GATB: variants seen among roughly 807,000 people sequenced by gnomAD.
GATB encodes the protein glutamyl-tRNA amidotransferase subunit B.
A neutral mutation model predicts 62.3 loss-of-function variants in GATB; 39 were observed. That is an observed-to-expected ratio of 0.63 (90% CI 0.48 to 0.82). The LOEUF (loss-of-function observed/expected upper bound fraction) is 0.82, where lower values mean the gene tolerates loss of function less well. Among genes scored for constraint, GATB ranks in the 40% least tolerant of loss-of-function variants. The pLI, the probability that GATB is intolerant of heterozygous loss-of-function variation, is 0.00. For missense variants in GATB, 670 were observed against 684.0 expected (o/e 0.98, Z 0.23); for synonymous variants, 276 against 258.9 (o/e 1.07, Z -0.63).
intron 6 of GATB, 53 bp from the exon 7 acceptor site, chr4:151,705,322 G>T: frequency 1.8e-6 from 2 of 1,096,416 alleles, no homozygotes; most frequent in African/African-American, 1.6e-5. Flanking sequence ...CTTTCATCCA[G>T]TCAAGCAATA....
chr4:151,733,843 A>C (rs922515506), intron 2 of GATB, among the ~76,000 whole-genome samples: 2 of 152,166 alleles, frequency 1.3e-5, no homozygotes, highest in Non-Finnish European at 1.5e-5. Context: ...AATTAAAAAC[A>C]AAAATCAAAT....
chr4:151,738,791 G>A (rs1365403069), intron 2 of GATB, among the ~76,000 whole-genome samples: 10 of 152,190 alleles, frequency 6.6e-5, no homozygotes, highest in South Asian at 6.2e-4. Flanking sequence ...AAAATTCCCC[G>A]CTATGTTTTG....
At chr4:151,714,000 G>A (rs905756015) in intron 5 of GATB, among the ~76,000 whole-genome samples, 14 of 152,208 alleles carry the variant, frequency 9.2e-5, no homozygotes, top group Non-Finnish European at 2.1e-4. Flanking sequence ...AATGCCTAGT[G>A]AACTGAGGAG....
rs17027846 is a variant in GATB, at chr4:151,758,390, A to G, written c.327+382T>C. The stretch of plus-strand genomic sequence containing the variant: ...AGTTGTCCCTCCTCTGGGTTTCGAA[A>G]TCATCCTCTGCATATTACCTTCAAA... On this transcript the variant is annotated intron_variant, in intron 2 of 12. Coordinates refer to ENST00000263985, the MANE Select transcript of GATB (RefSeq NM_004564.3). Among the ~76,000 whole-genome samples the G allele has an allele frequency of 2.4e-3, 369 of 152,298 alleles. 7 individuals are homozygous for G. The East Asian group carries it at 0.061, about 25-fold the overall frequency.
At chr4:151,692,967 A>G (rs927418835) in intron 9 of GATB, among the ~76,000 whole-genome samples, 16 of 152,186 alleles carry the variant, frequency 1.1e-4, no homozygotes, top group Non-Finnish European at 7.3e-5. Flanking sequence ...CCCACGTCAC[A>G]GTGTGTCATT....
intron 9 of GATB, among the ~76,000 whole-genome samples, chr4:151,697,945 GTGTGTGTGTA>G (rs1560847617): frequency 3.5e-4 from 26 of 74,688 alleles, no homozygotes; most frequent in African/African-American, 2.6e-3. Flanking sequence ...ATATGTGTGT[GTGTGTGTGTA>G]TATATATATA....
chr4:151,742,529 C>T (rs940073581), intron 2 of GATB, among the ~76,000 whole-genome samples: 4 of 152,188 alleles, frequency 2.6e-5, no homozygotes, highest in African/African-American at 9.6e-5. Context: ...AATAAAGTTT[C>T]AGCCAGATTA....
rs550965719 is a variant in GATB, at chr4:151,716,137, A to G, written c.641-6T>C. On this transcript the variant is annotated splice_region_variant and splice_polypyrimidine_tract_variant and intron_variant, in intron 4 of 12. Coordinates refer to ENST00000263985, the MANE Select transcript of GATB (RefSeq NM_004564.3). ...CACCTCCAGAAGGCCCACTCCTACCAAAGAGGGGCAGAGTCAGCCTCACTG... is the reference window on the plus strand; with the variant it reads ...CACCTCCAGAAGGCCCACTCCTACCGAAGAGGGGCAGAGTCAGCCTCACTG... 6.8e-6 allele frequency: 11 copies of G among 1,611,946 alleles called. No individual in the cohort carries two copies. In the East Asian group the frequency reaches 2.2e-4, roughly 33 times the overall value.
intron 2 of GATB, among the ~76,000 whole-genome samples, chr4:151,752,733 T>C (rs545386141): frequency 2.6e-5 from 4 of 152,350 alleles, no homozygotes; most frequent in East Asian, 1.9e-4. Flanking sequence ...GCATTATCTA[T>C]AGCCTCCTAT....
chr4:151,751,828 T>C (rs899050533), intron 2 of GATB, among the ~76,000 whole-genome samples: 1 of 152,374 alleles, frequency 6.6e-6, no homozygotes, highest in Admixed American at 6.5e-5. Context: ...GGCTAGATTA[T>C]ATGGAAATCT....
chr4:151,721,861 C>T, intron 2 of GATB: 1 of 288,990 alleles, frequency 3.5e-6, no homozygotes. Flanking sequence ...ATCACAGACT[C>T]TCACTGTGTC....
intron 2 of GATB, among the ~76,000 whole-genome samples, chr4:151,731,260 G>C (rs567573765): frequency 2.0e-5 from 3 of 152,166 alleles, no homozygotes; most frequent in Middle Eastern, 3.2e-3. Flanking sequence ...CATTGCGGGC[G>C]CGCGCCGCCA....
chr4:151,675,010 G>A (rs1251823570), intron 11 of GATB: 1 of 152,244 alleles, frequency 6.6e-6, no homozygotes, highest in East Asian at 1.9e-4. Flanking sequence ...GGCAGACCCT[G>A]AGCAGGCTGG....
chr4:151,670,873 T>TATTTA lies in GATB; in HGVS notation c.*296_*300dup, dbSNP rs1737841473. 3.4e-6 allele frequency: 1 copy of TATTTA among 290,528 alleles called. No homozygotes were observed. Among genetic ancestry groups the TATTTA allele is most frequent in the Admixed American group, 4.5e-5 (1 of 21,986 alleles). The allele number at this position is 290,528 out of a possible 1,614,324, so 18.0% of individuals were successfully genotyped here. A position where few individuals can be genotyped will look rare whatever the true frequency, so the allele number is the denominator to read the frequency against. Reference sequence around the variant, plus strand: ...GTAACAGTATCTCCAACATACATTTTATTTAGTTTAAAATTCCTTAATACA... The same window carrying TATTTA: ...GTAACAGTATCTCCAACATACATTTTATTTAATTTAGTTTAAAATTCCTTAATACA... On this transcript the variant is annotated 3_prime_UTR_variant, in exon 13 of 13. Transcript: ENST00000263985.
intron 2 of GATB, among the ~76,000 whole-genome samples, chr4:151,747,213 A>ACC (rs1191006149): frequency 6.6e-6 from 1 of 152,158 alleles, no homozygotes; most frequent in African/African-American, 2.4e-5. Flanking sequence ...GCTTTAAAGC[A>ACC]CCTTGGGGGC....
rs1301997001 is a variant in GATB at position 151,716,148 on chromosome 4, G to A, written c.641-17C>T. 1.2e-6 allele frequency: 2 copies of A among 1,608,158 alleles called. No homozygotes were observed. Among genetic ancestry groups the A allele is most frequent in the Non-Finnish European group, 1.7e-6 (2 of 1,177,234 alleles). On this transcript the variant is annotated splice_polypyrimidine_tract_variant and intron_variant, in intron 4 of 12. Coordinates refer to ENST00000263985, the MANE Select transcript of GATB (RefSeq NM_004564.3). ...GGCCCACTCCTACCAAAGAGGGGCA[G>A]AGTCAGCCTCACTGCAGCTCTCCAA...
At chr4:151,687,017 T>C (rs1010004408) in intron 10 of GATB, 191 of 152,520 alleles carry the variant, frequency 1.3e-3, no homozygotes, top group Middle Eastern at 3.4e-3. Flanking sequence ...GCTACCTTCT[T>C]CCCCTCTCAG....
intron 2 of GATB, among the ~76,000 whole-genome samples, chr4:151,756,451 G>C (rs1312802370): frequency 6.6e-6 from 1 of 152,100 alleles, no homozygotes. Context: ...TGGGAGTTTG[G>C]GTATAATGTT....
intron 2 of GATB, among the ~76,000 whole-genome samples, chr4:151,753,669 A>G (rs1395785418): frequency 2.0e-5 from 3 of 152,012 alleles, no homozygotes; most frequent in Non-Finnish European, 4.4e-5. Flanking sequence ...AGCATTTTTA[A>G]AAAATTTTGT....
Sources: allele counts gnomAD v4.1 joint callset (sites outside exome capture counted in the v4.1 genomes callset), GRCh38; gene constraint gnomAD v4.1.1; transcripts MANE v1.5; gene names NCBI Gene and HGNC (gene_info 2026-07-23, HGNC 2026-07-21).